GTF2I: variants seen among roughly 807,000 people sequenced by gnomAD.
GTF2I encodes the protein general transcription factor II-I.
Under a neutral mutation model 67.6 loss-of-function variants are expected in GTF2I, and 12 were observed. That is an observed-to-expected ratio of 0.18 (90% CI 0.11 to 0.29). The LOEUF is 0.29. Ranked by LOEUF, GTF2I falls within the 10% of genes least tolerant of loss-of-function variation. The probability of loss-of-function intolerance (pLI) is 1.00; values close to 1 mark genes in which losing one functional copy is unlikely to be tolerated. For synonymous variants in GTF2I, 149 were observed against 197.0 expected, an observed-to-expected ratio of 0.76 and a Z score of 2.04; for missense variants, 271 against 580.1, an observed-to-expected ratio of 0.47 and a Z score of 5.47.
chr7:74,690,673 C>T (rs927941480), intron 2 of GTF2I, among the ~76,000 whole-genome samples: 7 of 152,156 alleles, frequency 4.6e-5, no homozygotes, highest in East Asian at 3.9e-4. Context: ...TTCAGTGCTT[C>T]GTCTGTCCAG....
chr7:74,719,951 CACAAT>C (rs1792728495), intron 12 of GTF2I, among the ~76,000 whole-genome samples: 1 of 151,972 alleles, frequency 6.6e-6, no homozygotes, highest in Non-Finnish European at 1.5e-5. Context: ...ATTAATGTGT[CACAAT>C]ACTTGTGTAA....
At chr7:74,682,449 A>G (rs1486957575) in intron 1 of GTF2I, among the ~76,000 whole-genome samples, 1 of 152,168 alleles carries the variant, frequency 6.6e-6, no homozygotes, top group African/African-American at 2.4e-5. Context: ...CTTGACCTTG[A>G]GTTTTAAAAG....
In GTF2I at chr7:74,667,022, G is replaced by T. The variant is rs587605780; in HGVS notation, c.-6+8954G>T. ...TAGCTAGGCGTGGTGGTGCGCACCT[G>T]TAATCCCAGACACTCGGGAGGCTGA... On this transcript the variant is annotated intron_variant, in intron 1 of 34. Coordinates refer to ENST00000573035, the MANE Select transcript of GTF2I (RefSeq NM_032999.4). Among the ~76,000 whole-genome samples, 128 of 152,128 alleles carry T rather than the reference G, an allele frequency of 8.4e-4. 1 individual carries two copies. Among genetic ancestry groups the T allele is most frequent in the African/African-American group, 2.8e-3 (117 of 41,514 alleles).
At chr7:74,712,204 G>C (rs1396053858) in intron 9 of GTF2I, among the ~76,000 whole-genome samples, 1 of 152,032 alleles carries the variant, frequency 6.6e-6, no homozygotes, top group Non-Finnish European at 1.5e-5. Context: ...ACCCGCCTTG[G>C]CCTCCCAAAG....
chr7:74,704,013 A>G (rs1437339470), intron 6 of GTF2I, among the ~76,000 whole-genome samples: 1 of 152,098 alleles, frequency 6.6e-6, no homozygotes, highest in Non-Finnish European at 1.5e-5. Flanking sequence ...AATCAAGACA[A>G]TTTACCCCTT....
chr7:74,716,212 T>G (rs1792243450), intron 10 of GTF2I, among the ~76,000 whole-genome samples: 1 of 152,126 alleles, frequency 6.6e-6, no homozygotes. Context: ...CTTCCTTTCC[T>G]TTTTGTGAGT....
intron 3 of GTF2I, among the ~76,000 whole-genome samples, chr7:74,697,510 A>C (rs2131322288): frequency 6.6e-6 from 1 of 152,310 alleles, no homozygotes; most frequent in East Asian, 1.9e-4. Context: ...CCAAGTTGCA[A>C]GTGCCACATG....
intron 1 of GTF2I, among the ~76,000 whole-genome samples, chr7:74,677,964 C>T (rs1456819222): frequency 6.6e-6 from 1 of 152,024 alleles, no homozygotes; most frequent in African/African-American, 2.4e-5. Context: ...ACTGCAGACT[C>T]ACCGCTGTAG....
intron 1 of GTF2I, among the ~76,000 whole-genome samples, chr7:74,675,564 G>T (rs1252327327): frequency 1.3e-5 from 2 of 151,696 alleles, no homozygotes; most frequent in South Asian, 2.1e-4. Flanking sequence ...TTTTGGGGGG[G>T]GCAGAAGGTC....
intron 1 of GTF2I, chr7:74,684,822 TAC>T (rs1478886642): frequency 1.3e-5 from 2 of 152,198 alleles, no homozygotes; most frequent in Non-Finnish European, 2.9e-5. Context: ...CCCCATTTCT[TAC>T]ACACATTGAG....
intron 1 of GTF2I, among the ~76,000 whole-genome samples, chr7:74,680,716 G>A (rs1349640754): frequency 1.3e-5 from 2 of 151,968 alleles, no homozygotes; most frequent in East Asian, 1.9e-4. Flanking sequence ...TACTCGTCCA[G>A]GCAACAGAGT....
intron 1 of GTF2I, among the ~76,000 whole-genome samples, chr7:74,681,351 C>T (rs1269603474): frequency 6.6e-6 from 1 of 151,976 alleles, no homozygotes; most frequent in Non-Finnish European, 1.5e-5. Context: ...AGGAGAATTG[C>T]TTGAACCTGG....
rs183653221 is a variant in GTF2I at position 74,671,859 on chromosome 7, C to T, written c.-6+13791C>T. Among the ~76,000 whole-genome samples, 950 of 151,874 alleles carry T rather than the reference C, an allele frequency of 6.3e-3. 7 individuals carry two copies. Among genetic ancestry groups the T allele is most frequent in the Non-Finnish European group, 1.0e-2 (679 of 67,960 alleles). Reference sequence around the variant, plus strand: ...ATTAGCCGGGTGTGGTGGTGCATTCCTGTAGTCTCAGCTACTAAGAAGGAT... The same window carrying T: ...ATTAGCCGGGTGTGGTGGTGCATTCTTGTAGTCTCAGCTACTAAGAAGGAT... On this transcript the variant is annotated intron_variant, in intron 1 of 34. Transcript: ENST00000573035.
chr7:74,727,678 G>C (rs1330630198), intron 12 of GTF2I: 1 of 152,088 alleles, frequency 6.6e-6, no homozygotes, highest in Admixed American at 6.6e-5. Flanking sequence ...GATGTTTTCA[G>C]TATTTTATAG....
At chr7:74,748,277 TC>T (rs1257201394) in intron 24 of GTF2I, among the ~76,000 whole-genome samples, 161 bp downstream of exon 24, 1 of 86,334 alleles carries the variant, frequency 1.2e-5, no homozygotes, top group Admixed American at 1.4e-4. Context: ...AGATCTGAGT[TC>T]AAATCCGATG....
intron 2 of GTF2I, 38 bp downstream of exon 2, chr7:74,689,265 G>A: frequency 1.9e-6 from 2 of 1,068,598 alleles, no homozygotes; most frequent in Non-Finnish European, 1.4e-6. Flanking sequence ...AGTTGGGTAG[G>A]CCTGCACTGT....
At chr7:74,689,064 G>A in intron 1 of GTF2I, 60 bp from the exon 2 acceptor site, 2 of 963,332 alleles carry the variant, frequency 2.1e-6, no homozygotes, top group Non-Finnish European at 3.4e-6. Context: ...CACAGCTTTG[G>A]CTGTGGGTTC....
At chr7:74,712,433 G>T (rs970905995) in intron 9 of GTF2I, among the ~76,000 whole-genome samples, 3 of 151,144 alleles carry the variant, frequency 2.0e-5, no homozygotes, top group Admixed American at 2.0e-4. Context: ...CTTGAAAACT[G>T]AGAATTGTCC....
intron 1 of GTF2I, among the ~76,000 whole-genome samples, chr7:74,684,328 T>A (rs1378767033): frequency 3.3e-5 from 5 of 152,210 alleles, no homozygotes; most frequent in Non-Finnish European, 7.4e-5. Context: ...GGCAACTGAG[T>A]ACAGCCCCCA....
Sources: allele counts gnomAD v4.1 joint callset (sites outside exome capture counted in the v4.1 genomes callset), GRCh38; gene constraint gnomAD v4.1.1; transcripts MANE v1.5; gene names NCBI Gene and HGNC (gene_info 2026-07-23, HGNC 2026-07-21).